Variants in CD3E observed in about 807,000 individuals in gnomAD.
CD3E encodes the protein CD3 epsilon subunit of T-cell receptor complex, also known as T-cell surface glycoprotein CD3 epsilon chain.
Under a neutral mutation model 34.7 loss-of-function variants are expected in CD3E, and 16 were observed. That is an observed-to-expected ratio of 0.46 (90% CI 0.31 to 0.70). The LOEUF (loss-of-function observed/expected upper bound fraction) is 0.70. Among genes scored for constraint, CD3E ranks in the 30% least tolerant of loss-of-function variants. CD3E has a pLI of 0.05. For synonymous variants in CD3E, 70 were observed against 90.8 expected (o/e 0.77, Z 1.30); for missense variants, 223 against 253.9 (o/e 0.88, Z 0.83).
Position 118,308,450 on chromosome 11 carries a change from A to G in CD3E, c.85+9A>G. 6.3e-7 allele frequency: 1 copy of G among 1,575,734 alleles called. No homozygotes were observed. Among genetic ancestry groups the G allele is most frequent in the Non-Finnish European group, 8.7e-7 (1 of 1,147,466 alleles). ...AGGTAATGAAGAAATGGGTAAGAAG[A>G]TTTCCACTCTATCTAGCAAAAGTTT... On this transcript the variant is annotated intron_variant, in intron 4 of 8. Coordinates refer to ENST00000361763, the MANE Select transcript of CD3E (RefSeq NM_000733.4).
intron 3 of CD3E, 42 bp downstream of exon 3, chr11:118,307,350 C>T: frequency 1.3e-6 from 2 of 1,567,204 alleles, no homozygotes; most frequent in Non-Finnish European, 1.7e-6. Flanking sequence ...GAAATCACCC[C>T]ATCATTCTTT....
chr11:118,312,880 C>T lies in CD3E; in HGVS notation c.352+14C>T, dbSNP rs993497830. On this transcript the variant is annotated intron_variant, in intron 6 of 8. Coordinates refer to ENST00000361763, the MANE Select transcript of CD3E (RefSeq NM_000733.4). ...TGAGGGCAAGAGGTAATCCAGGTCT[C>T]CAGAACAGGTACCACCGGCTCTTTA... The T allele has an allele frequency of 6.2e-7, 1 of 1,614,012 alleles. No individual in the cohort carries two copies. The highest frequency in any genetic ancestry group is 8.5e-7 in the Non-Finnish European group (1 of 1,179,986).
At position 118,307,299 on chromosome 11, in the gene CD3E, G is replaced by A. The variant is rs774506155; in HGVS notation, c.61G>A (p.Gly21Arg). The A allele has an allele frequency of 2.5e-6, 4 of 1,607,168 alleles. No individual in the cohort carries two copies. Among genetic ancestry groups the A allele is most frequent in the Non-Finnish European group, 2.6e-6 (3 of 1,174,948 alleles). Residue 21 changes from glycine to arginine, a missense_variant, in exon 3 of 9, where the codon GGG becomes AGG. Coordinates refer to ENST00000361763, the MANE Select transcript of CD3E (RefSeq NM_000733.4). ...GLCLLSVGVWGQDGNEEMGGI... is the reference protein window; with the variant it reads ...GLCLLSVGVWRQDGNEEMGGI... ...TATTTATTTTCTAGTTGGCGTTTGG[G>A]GGCAAGATGGTGAGATATGCTTTCT...
At chr11:118,310,791 G>A (rs1395037187) in intron 4 of CD3E, among the ~76,000 whole-genome samples, 1 of 152,090 alleles carries the variant, frequency 6.6e-6, no homozygotes, top group Non-Finnish European at 1.5e-5. Context: ...AGAAACATCC[G>A]TGTTGAAAAA....
intron 2 of CD3E, 97 bp from the exon 3 acceptor site, chr11:118,307,191 C>A: frequency 3.4e-6 from 3 of 887,006 alleles, no homozygotes; most frequent in South Asian, 2.8e-5. Flanking sequence ...CATCAGATGT[C>A]ATCAGTGGTC....
intron 2 of CD3E, among the ~76,000 whole-genome samples, chr11:118,306,055 C>A (rs148592490): frequency 1.3e-5 from 2 of 152,130 alleles, no homozygotes; most frequent in Non-Finnish European, 2.9e-5. Flanking sequence ...ATGTCTAGTA[C>A]GCTCTCAAGT....
chr11:118,309,312 ACACCTGTAATCC>A (rs1948123630), intron 4 of CD3E, among the ~76,000 whole-genome samples: 1 of 152,160 alleles, frequency 6.6e-6, no homozygotes, highest in Non-Finnish European at 1.5e-5. Flanking sequence ...ATGGTGGCTC[ACACCTGTAATCC>A]CAGCACTTTG....
chr11:118,313,902 G>T (rs199539988), intron 7 of CD3E, 28 bp downstream of exon 7: 84 of 1,611,290 alleles, frequency 5.2e-5, no homozygotes, highest in Non-Finnish European at 6.8e-5. Flanking sequence ...AGTCAGAGGA[G>T]ATTCCTGCCA....
intron 4 of CD3E, 75 bp from the exon 5 acceptor site, chr11:118,312,078 C>G: frequency 1.5e-6 from 2 of 1,307,818 alleles, no homozygotes; most frequent in South Asian, 2.4e-5. Flanking sequence ...TCTAATTCCA[C>G]TAGAAAAGTT....
At chr11:118,311,380 C>A (rs946672924) in intron 4 of CD3E, among the ~76,000 whole-genome samples, 1 of 152,168 alleles carries the variant, frequency 6.6e-6, no homozygotes, top group Non-Finnish European at 1.5e-5. Flanking sequence ...GCTGGACCTA[C>A]GAATGGCATT....
chr11:118,309,499 C>T (rs901143417), intron 4 of CD3E, among the ~76,000 whole-genome samples: 5 of 152,170 alleles, frequency 3.3e-5, no homozygotes, highest in African/African-American at 1.2e-4. Flanking sequence ...TTGCTTGAAC[C>T]TGGGAGGCGG....
At position 118,308,443 on chromosome 11, in the gene CD3E, TAAG is replaced by T; in HGVS notation, c.85+7_85+9del. 2 of 1,585,482 alleles carry T rather than the reference TAAG, an allele frequency of 1.3e-6. No homozygotes were observed. Among genetic ancestry groups the T allele is most frequent in the Non-Finnish European group, 1.7e-6 (2 of 1,156,514 alleles). The stretch of plus-strand genomic sequence containing the variant: ...CCTTTTCAGGTAATGAAGAAATGGG[TAAG>T]AAGATTTCCACTCTATCTAGCAAAA... On this transcript the variant is annotated splice_donor_5th_base_variant and intron_variant, in intron 4 of 8. Coordinates refer to ENST00000361763, the MANE Select transcript of CD3E (RefSeq NM_000733.4).
intron 4 of CD3E, among the ~76,000 whole-genome samples, chr11:118,311,927 C>T (rs375267708): frequency 3.3e-5 from 5 of 152,040 alleles, no homozygotes; most frequent in African/African-American, 7.3e-5. Context: ...ATTCTGAATC[C>T]GATGTATCTG....
chr11:118,313,084 T>C (rs1948145373), intron 6 of CD3E: 1 of 608,022 alleles, frequency 1.6e-6, no homozygotes, highest in African/African-American at 1.8e-5. Flanking sequence ...CCCCAGTCTG[T>C]GCGAGATCTA....
intron 7 of CD3E, 97 bp from the exon 8 acceptor site, chr11:118,314,351 G>A (rs1300660925): frequency 2.1e-6 from 2 of 966,032 alleles, no homozygotes; most frequent in Non-Finnish European, 3.3e-6. Context: ...GAGAACAATG[G>A]GGTTTGCCAT....
At chr11:118,314,200 T>C (rs1217475852) in intron 7 of CD3E, among the ~76,000 whole-genome samples, 1 of 152,112 alleles carries the variant, frequency 6.6e-6, no homozygotes, top group Non-Finnish European at 1.5e-5. Flanking sequence ...TTCCTTTCCC[T>C]TCCCCTATGG....
chr11:118,312,829 A>G lies in CD3E; in HGVS notation c.315A>G (p.Pro105=). The change falls in exon 6 of 9, where the codon CCA becomes CCG. Residue 105 remains proline (P), a synonymous_variant. Transcript: ENST00000361763. ...YYVCYPRGSK[P]EDANFYLYLR... ...TCTGCTACCCCAGAGGAAGCAAACC[A>G]GAAGATGCGAACTTTTATCTCTACC... 6.2e-7 allele frequency: 1 copy of G among 1,614,226 alleles called. No individual in the cohort carries two copies. The highest frequency in any genetic ancestry group is 8.5e-7 in the Non-Finnish European group (1 of 1,180,042).
chr11:118,305,500 G>T (rs1476866824), intron 2 of CD3E, among the ~76,000 whole-genome samples: 1 of 152,128 alleles, frequency 6.6e-6, no homozygotes, highest in African/African-American at 2.4e-5. Context: ...GATGGATTAT[G>T]AATTGATAAA....
chr11:118,315,569 G>A lies in CD3E; in HGVS notation c.*27G>A. The A allele has an allele frequency of 1.3e-6, 2 of 1,594,070 alleles. No individual in the cohort carries two copies. Among genetic ancestry groups the A allele is most frequent in the Non-Finnish European group, 1.7e-6 (2 of 1,167,522 alleles). On this transcript the variant is annotated 3_prime_UTR_variant, in exon 9 of 9. Coordinates refer to ENST00000361763, the MANE Select transcript of CD3E (RefSeq NM_000733.4). ...CCTCTGGAGAACACTGCCTCCCGCT[G>A]GCCCAGGTCTCCTCTCCAGTCCCCC...
Sources: gnomAD v4.1 joint callset for allele counts (sites outside exome capture counted in the v4.1 genomes callset) on GRCh38, gnomAD v4.1.1 for gene constraint, MANE v1.5 for transcripts, NCBI Gene and HGNC (gene_info 2026-07-23, HGNC 2026-07-21) for gene names.